DMXL1: variants seen among roughly 807,000 people sequenced by gnomAD.
The protein encoded by DMXL1 is dmX-like protein 1.
A neutral mutation model predicts 319.2 loss-of-function variants in DMXL1; 99 were observed. The observed-to-expected ratio is 0.31, with a 90% CI of 0.26 to 0.37. The LOEUF (loss-of-function observed/expected upper bound fraction) is 0.37. Among genes scored for constraint, DMXL1 ranks in the 10% least tolerant of loss-of-function variants. DMXL1 has a pLI of 1.00. For synonymous variants in DMXL1, 1,385 were observed against 1,235.2 expected (o/e 1.12, Z -2.54); for missense variants, 3,745 against 3,595.6 (o/e 1.04, Z -1.06).
rs1014965075 is a variant in DMXL1 at position 119,174,147 on chromosome 5, T to G, written c.6682-1114T>G. 3.3e-5 allele frequency among the ~76,000 whole-genome samples: 5 copies of G among 152,222 alleles called. 1 individual carries two copies. In the East Asian group the frequency reaches 9.7e-4, roughly 29 times the overall value. Reference sequence around the variant, plus strand: ...CACAATCTGCTTTAATCAGTCTGATTCAAATGTTTGTCTCATCTGAAAACA... The same window carrying G: ...CACAATCTGCTTTAATCAGTCTGATGCAAATGTTTGTCTCATCTGAAAACA... On this transcript the variant is annotated intron_variant, in intron 25 of 43. Transcript: ENST00000539542.
chr5:119,101,959 A>C lies in DMXL1; in HGVS notation c.238A>C (p.Ile80Leu). The C allele has an allele frequency of 1.2e-6, 2 of 1,606,088 alleles. No homozygotes were observed. Among genetic ancestry groups the C allele is most frequent in the Non-Finnish European group, 1.7e-6 (2 of 1,176,296 alleles). The stretch of plus-strand genomic sequence containing the variant: ...GATTGCAGCGTCTTATGGAAATGTT[A>C]TCTCCATTTTTGAACCAGTTAACCT... ...GKIAASYGNV[I>L]SIFEPVNLPK... The change falls in exon 3 of 44, where the codon ATC (isoleucine) becomes CTC (leucine). Residue 80 changes from isoleucine to leucine, a missense_variant. Physicochemically the swap from Ile to Leu is conservative, Grantham distance 5 (BLOSUM62 2). Around this residue, in one of 4 missense-constraint regions of DMXL1, gnomAD observed 2,096 missense variants for 1,985.4 expected, o/e 1.06. Transcript: ENST00000539542.
chr5:119,176,229 T>C (rs891686661), intron 26 of DMXL1, among the ~76,000 whole-genome samples: 4 of 152,088 alleles, frequency 2.6e-5, no homozygotes, highest in Admixed American at 2.6e-4. Context: ...AAAAAAATTA[T>C]TTTGAGTATG....
intron 19 of DMXL1, among the ~76,000 whole-genome samples, chr5:119,157,151 C>G (rs1414367337): frequency 6.6e-6 from 1 of 152,078 alleles, no homozygotes; most frequent in Non-Finnish European, 1.5e-5. Flanking sequence ...TTGTGCCTGG[C>G]ATGCCTATTT....
At chr5:119,242,921 C>A (rs1431077020) in intron 42 of DMXL1, among the ~76,000 whole-genome samples, 1 of 152,174 alleles carries the variant, frequency 6.6e-6, no homozygotes, top group Non-Finnish European at 1.5e-5. Context: ...AACCCAGATA[C>A]AGACCTCACC....
rs182067998 is a variant in DMXL1, at chr5:119,156,815, G to A, written c.4702+4779G>A. ...AGCAGTGTACCAGGCTCCCCTTTTC[G>A]CCACTTCTTTATGAAAACTGTTTGT... On this transcript the variant is annotated intron_variant, in intron 19 of 43. Transcript: ENST00000539542. 2.8e-4 allele frequency among the ~76,000 whole-genome samples: 43 copies of A among 151,708 alleles called. No homozygotes were observed. In the East Asian group the frequency reaches 6.2e-3, roughly 22 times the overall value.
chr5:119,113,149 A>C (rs1021196073), intron 5 of DMXL1, among the ~76,000 whole-genome samples: 6 of 152,184 alleles, frequency 3.9e-5, no homozygotes, highest in African/African-American at 1.4e-4. Context: ...TATACAGTGG[A>C]ATATAAGCCA....
chr5:119,149,276 G>T lies in DMXL1; in HGVS notation c.3449G>T (p.Gly1150Val), dbSNP rs1434923595. Residue 1150 changes from glycine to valine, a missense_variant, in exon 18 of 44, where the codon GGT becomes GTT. Coordinates refer to ENST00000539542, the MANE Select transcript of DMXL1 (RefSeq NM_001290321.3). Reference sequence around the variant, plus strand: ...TTAGATTGGATGTCTAGAGAAGACGGTTCTCATATCCTGACTGTAGGAATT... The same window carrying T: ...TTAGATTGGATGTCTAGAGAAGACGTTTCTCATATCCTGACTGTAGGAATT... The part of the protein sequence containing the change: ...VHLDWMSRED[G>V]SHILTVGIGS... 6.2e-7 allele frequency: 1 copy of T among 1,613,958 alleles called. No individual in the cohort carries two copies. Among genetic ancestry groups the T allele is most frequent in the Non-Finnish European group, 8.5e-7 (1 of 1,179,898 alleles).
chr5:119,208,210 ATT>A (rs528514068), intron 34 of DMXL1, among the ~76,000 whole-genome samples: 12 of 135,844 alleles, frequency 8.8e-5, no homozygotes, highest in African/African-American at 8.1e-5. Context: ...ATTATCAGGA[ATT>A]TTTTTTTTTT....
chr5:119,205,485 T>C (rs576988401), intron 33 of DMXL1, among the ~76,000 whole-genome samples: 1 of 152,230 alleles, frequency 6.6e-6, no homozygotes, highest in East Asian at 1.9e-4. Flanking sequence ...AATGTTGGAC[T>C]AACAGTTTTG....
chr5:119,177,907 A>AT, intron 27 of DMXL1, 89 bp from the exon 28 acceptor site: 2 of 1,235,420 alleles, frequency 1.6e-6, no homozygotes, highest in Non-Finnish European at 2.2e-6. Flanking sequence ...GATGCAATAC[A>AT]TTTTTTCCTG....
At chr5:119,243,188 C>T (rs1456603885) in intron 42 of DMXL1, among the ~76,000 whole-genome samples, 1 of 152,122 alleles carries the variant, frequency 6.6e-6, no homozygotes, top group Non-Finnish European at 1.5e-5. Flanking sequence ...TGTGCATTTT[C>T]CTCTGGGAAG....
chr5:119,206,506 A>G (rs1781766293), intron 33 of DMXL1: 1 of 168,100 alleles, frequency 5.9e-6, no homozygotes, highest in Non-Finnish European at 1.3e-5. Context: ...TGACACCAGT[A>G]GCTCTGATTA....
chr5:119,106,786 T>C (rs922222116), intron 4 of DMXL1, among the ~76,000 whole-genome samples: 1 of 152,162 alleles, frequency 6.6e-6, no homozygotes, highest in Non-Finnish European at 1.5e-5. Context: ...GCCTTTTCCA[T>C]AGTAGGTGTT....
chr5:119,158,677 G>C (rs1390299178), intron 19 of DMXL1, among the ~76,000 whole-genome samples: 1 of 152,166 alleles, frequency 6.6e-6, no homozygotes, highest in Non-Finnish European at 1.5e-5. Flanking sequence ...TAATTTGGGA[G>C]AGTTTTTGTC....
At chr5:119,215,070 A>G (rs1783443311) in intron 34 of DMXL1, among the ~76,000 whole-genome samples, 2 of 152,230 alleles carry the variant, frequency 1.3e-5, no homozygotes, top group Admixed American at 6.5e-5. Flanking sequence ...TTAACGGATG[A>G]TCGGCGTTTT....
chr5:119,098,512 G>A (rs890026593), intron 2 of DMXL1, among the ~76,000 whole-genome samples: 5 of 151,594 alleles, frequency 3.3e-5, no homozygotes, highest in African/African-American at 9.7e-5. Flanking sequence ...AACAAGGGCT[G>A]TGTAACTTTT....
chr5:119,121,434 C>T (rs572612312), intron 9 of DMXL1, among the ~76,000 whole-genome samples: 48 of 151,870 alleles, frequency 3.2e-4, no homozygotes, highest in Non-Finnish European at 4.9e-4. Context: ...TGCGGCCTTC[C>T]GCTGTGTTTG....
At chr5:119,204,981 T>G (rs1330334285) in intron 33 of DMXL1, among the ~76,000 whole-genome samples, 1 of 152,202 alleles carries the variant, frequency 6.6e-6, no homozygotes, top group African/African-American at 2.4e-5. Context: ...AAGTGGAAAC[T>G]GTATATGCTG....
chr5:119,153,633 A>G (rs751308058), intron 19 of DMXL1, among the ~76,000 whole-genome samples: 14 of 152,108 alleles, frequency 9.2e-5, no homozygotes, highest in Non-Finnish European at 1.9e-4. Context: ...TTTGATTTCA[A>G]TTGTATTCGA....
Sources: allele counts gnomAD v4.1 joint callset (sites outside exome capture counted in the v4.1 genomes callset), GRCh38; gene constraint gnomAD v4.1.1; regional missense constraint gnomAD v4.1.1; transcripts MANE v1.5; gene names NCBI Gene and HGNC (gene_info 2026-07-23, HGNC 2026-07-21).